Variants in EPHB3 observed in about 807,000 individuals in gnomAD.
EPHB3 encodes the protein EPH receptor B3.
A neutral mutation model predicts 100.2 loss-of-function variants in EPHB3; 33 were observed. The ratio of observed to expected loss-of-function variants is 0.33; its 90% confidence interval spans 0.25 to 0.44. The LOEUF is 0.44. EPHB3 is among the 20% of genes least tolerant of loss of function. EPHB3 has a pLI of 1.00. For synonymous variants in EPHB3, 526 were observed against 554.7 expected, an observed-to-expected ratio of 0.95 and a Z score of 0.73; for missense variants, 1,045 against 1,378.3, an observed-to-expected ratio of 0.76 and a Z score of 3.83.
In EPHB3 at chr3:184,581,726, C is replaced by T; in HGVS notation, c.*104C>T. The T allele has an allele frequency of 1.7e-6, 2 of 1,199,060 alleles. No homozygotes were observed. Among genetic ancestry groups the T allele is most frequent in the Non-Finnish European group, 2.3e-6 (2 of 875,382 alleles). 74.3% of individuals were successfully genotyped at this position (1,199,060 alleles called of 1,614,324 possible). A position where few individuals can be genotyped will look rare whatever the true frequency, so the allele number is the denominator to read the frequency against. On this transcript the variant is annotated 3_prime_UTR_variant, in exon 16 of 16. Coordinates refer to ENST00000330394, the MANE Select transcript of EPHB3 (RefSeq NM_004443.4). The stretch of plus-strand genomic sequence containing the variant: ...GGATGCCTGGCCTTAGGCTGTGGCC[C>T]AGAAGCTGGAAGTTTGGGAAAGGCC...
In EPHB3 at chr3:184,572,501, C is replaced by A; in HGVS notation, c.184-3C>A. ...TCTGTCTTTTTCATTGGTCCATGCA[C>A]AGTGGGAAGAGGTGAGTGGCTACGA... On this transcript the variant is annotated splice_region_variant and splice_polypyrimidine_tract_variant and intron_variant, in intron 2 of 15. Transcript: ENST00000330394. The surrounding 1 kb of genome is among the most constrained non-coding windows in gnomAD (Gnocchi z 6.6). 6.4e-7 allele frequency: 1 copy of A among 1,560,550 alleles called. No homozygotes were observed.
In EPHB3 at chr3:184,563,937, G is replaced by A. The variant is rs754910297; in HGVS notation, c.118+1584G>A. On this transcript the variant is annotated intron_variant, in intron 1 of 15. Transcript: ENST00000330394. This position sits in a 1 kb window ranked among gnomAD's most constrained non-coding sequence, Gnocchi z 4.1. ...TGTGGTGGGTGCTGGTGCTGAGTGT[G>A]GAGTGGGAGTGTGGTTTGGGTCAGG... Among the ~76,000 whole-genome samples the A allele has an allele frequency of 1.3e-5, 2 of 152,240 alleles. No homozygotes were observed. Among genetic ancestry groups the A allele is most frequent in the African/African-American group, 4.8e-5 (2 of 41,464 alleles).
chr3:184,574,835 G>T (rs1357902639), intron 3 of EPHB3, among the ~76,000 whole-genome samples: 1 of 152,222 alleles, frequency 6.6e-6, no homozygotes, highest in Non-Finnish European at 1.5e-5. Context: ...GGCTGGCCTG[G>T]CCTCTGCCCC....
rs578222600 is a variant in EPHB3, at chr3:184,579,688, G to A, written c.1926G>A (p.Gly642=). The A allele has an allele frequency of 6.2e-7, 1 of 1,611,022 alleles. No individual in the cohort carries two copies. The highest frequency in any genetic ancestry group is 1.7e-5 in the Admixed American group (1 of 59,838). ...TAGCTTGTGCCCTGTGCCCTGCAGG[G>A]GAATTTGGGGAAGTGTGCCGTGGTC... ...CVKIEEVIGA[G]EFGEVCRGRL... is the part of the protein sequence containing the mutation. Residue 642 remains glycine (G), a splice_region_variant and synonymous_variant, in exon 11 of 16, where the codon GGG becomes GGA. Transcript: ENST00000330394. This position sits in a 1 kb window ranked among gnomAD's most constrained non-coding sequence, Gnocchi z 5.2.
rs1714283603 is a variant in EPHB3, at chr3:184,562,522, T to G, written c.118+169T>G. On this transcript the variant is annotated intron_variant, in intron 1 of 15. Coordinates refer to ENST00000330394, the MANE Select transcript of EPHB3 (RefSeq NM_004443.4). This position sits in a 1 kb window ranked among gnomAD's most constrained non-coding sequence, Gnocchi z 4.8. ...TGGGGAGGCCGCCCCTGGAGCCGCCTCGGAGGCTGGAGCTGGCTCGGAGGC... is the reference window on the plus strand; with the variant it reads ...TGGGGAGGCCGCCCCTGGAGCCGCCGCGGAGGCTGGAGCTGGCTCGGAGGC... Among the ~76,000 whole-genome samples the G allele has an allele frequency of 6.6e-6, 1 of 151,962 alleles. No individual in the cohort carries two copies. The highest frequency in any genetic ancestry group is 1.9e-4 in the East Asian group (1 of 5,136).
rs962372314 is a variant in EPHB3, at chr3:184,576,972, T to C, written c.1143T>C (p.His381=). Residue 381 remains histidine, a synonymous_variant, in exon 5 of 16, where the codon CAT becomes CAC. Coordinates refer to ENST00000330394, the MANE Select transcript of EPHB3 (RefSeq NM_004443.4). ...LLYNVICKKC[H]GAGGASACSR... Reference sequence around the variant, plus strand: ...ACAATGTCATCTGCAAGAAGTGCCATGGGGCTGGAGGGGCCTCAGCCTGCT... The same window carrying C: ...ACAATGTCATCTGCAAGAAGTGCCACGGGGCTGGAGGGGCCTCAGCCTGCT... The C allele has an allele frequency of 1.2e-6, 2 of 1,612,984 alleles. No individual in the cohort carries two copies. Among genetic ancestry groups the C allele is most frequent in the African/African-American group, 1.3e-5 (1 of 74,910 alleles).
rs867360537 is a variant in EPHB3 at position 184,575,831 on chromosome 3, C to T, written c.858C>T (p.Pro286=). 1 of 1,599,734 alleles carries T rather than the reference C, an allele frequency of 6.3e-7. No individual in the cohort carries two copies. Among genetic ancestry groups the T allele is most frequent in the Non-Finnish European group, 8.5e-7 (1 of 1,172,980 alleles). The change falls in exon 4 of 16, where the codon CCC becomes CCT. Residue 286 remains proline (P), a splice_region_variant and synonymous_variant. Coordinates refer to ENST00000330394, the MANE Select transcript of EPHB3 (RefSeq NM_004443.4). ...CATTCATCCTCTTCTCTCCCACAGCCTGTCCCCCTGGGAGCTACAAGGCGA... is the reference window on the plus strand; with the variant it reads ...CATTCATCCTCTTCTCTCCCACAGCTTGTCCCCCTGGGAGCTACAAGGCGA... ...EPAAKESQCR[P]CPPGSYKAKQ...
Position 184,581,677 on chromosome 3 carries a change from G to A in EPHB3, c.*55G>A. 1.4e-6 allele frequency: 2 copies of A among 1,461,048 alleles called. No homozygotes were observed. The highest frequency in any genetic ancestry group is 1.8e-6 in the Non-Finnish European group (2 of 1,095,964). The allele number at this position is 1,461,048 out of a possible 1,614,324, so 90.5% of individuals were successfully genotyped here. ...GTGCAGGGATGCCAAGCAGCCGGCT[G>A]GACTTTCGGACTCTTGGACTTTTGG... On this transcript the variant is annotated 3_prime_UTR_variant, in exon 16 of 16. Coordinates refer to ENST00000330394, the MANE Select transcript of EPHB3 (RefSeq NM_004443.4).
In EPHB3 at chr3:184,565,165, C is replaced by G. The variant is rs1014901330; in HGVS notation, c.118+2812C>G. Among the ~76,000 whole-genome samples, 1 of 152,090 alleles carries G rather than the reference C, an allele frequency of 6.6e-6. No individual in the cohort carries two copies. The highest frequency in any genetic ancestry group is 1.5e-5 in the Non-Finnish European group (1 of 68,020). ...TGGAGCCTGGGTCCTTGCTTGTCCT[C>G]GTGGTTGAAAACATGCCCTCCCCTT... On this transcript the variant is annotated intron_variant, in intron 1 of 15. Transcript: ENST00000330394. The surrounding 1 kb of genome is among the most constrained non-coding windows in gnomAD (Gnocchi z 4.8).
At chr3:184,581,435 C>G (rs1183089080) in intron 15 of EPHB3, 27 bp downstream of exon 15, 1 of 1,583,820 alleles carries the variant, frequency 6.3e-7, no homozygotes, top group South Asian at 1.2e-5. Context: ...TTTGGAGGAG[C>G]AGGGCAGGGG....
chr3:184,571,435 C>T lies in EPHB3; in HGVS notation c.183+53C>T, dbSNP rs193262275. 5.4e-5 allele frequency: 86 copies of T among 1,597,610 alleles called. 1 individual carries two copies. In the African/African-American group the frequency reaches 8.0e-4, roughly 15 times the overall value. ...TGTTGTTTGCCATTAGGCCTCCCCC[C>T]ACTTCCAGCCTCCGTGCCCCCTCAT... On this transcript the variant is annotated intron_variant, in intron 2 of 15. Transcript: ENST00000330394. The surrounding 1 kb of genome is among the most constrained non-coding windows in gnomAD (Gnocchi z 5.0).
chr3:184,568,835 C>T (rs1047027158), intron 1 of EPHB3, among the ~76,000 whole-genome samples: 1 of 152,242 alleles, frequency 6.6e-6, no homozygotes, highest in Non-Finnish European at 1.5e-5. Flanking sequence ...AAAAATGTGG[C>T]GAGATTGAGC....
chr3:184,578,824 G>C lies in EPHB3; in HGVS notation c.1801+358G>C, dbSNP rs905256110. ...TAGAGAAGAGGAAGGCTTCCTCGAGGAGGTGGACTTGAGCTGAGCCAGGCG... is the reference window on the plus strand; with the variant it reads ...TAGAGAAGAGGAAGGCTTCCTCGAGCAGGTGGACTTGAGCTGAGCCAGGCG... On this transcript the variant is annotated intron_variant, in intron 9 of 15. Coordinates refer to ENST00000330394, the MANE Select transcript of EPHB3 (RefSeq NM_004443.4). This position sits in a 1 kb window ranked among gnomAD's most constrained non-coding sequence, Gnocchi z 4.7. Among the ~76,000 whole-genome samples, 5 of 152,204 alleles carry C rather than the reference G, an allele frequency of 3.3e-5. No homozygotes were observed. The highest frequency in any genetic ancestry group is 7.3e-5 in the Non-Finnish European group (5 of 68,044).
At position 184,562,181 on chromosome 3, in the gene EPHB3, GCCGGCGCGGCCCGGC is replaced by G. The variant is rs1025719940; in HGVS notation, c.-39_-25del. ...CCCTCTCTCGGGTGCCTGCAGCCCCGCCGGCGCGGCCCGGCCCGGCGCGGCCCGGCTCGGCTCCTA... is the reference window on the plus strand; with the variant it reads ...CCCTCTCTCGGGTGCCTGCAGCCCCGCCGGCGCGGCCCGGCTCGGCTCCTA... On this transcript the variant is annotated 5_prime_UTR_variant, in exon 1 of 16. Transcript: ENST00000330394. The surrounding 1 kb of genome is among the most constrained non-coding windows in gnomAD (Gnocchi z 4.8). 1.3e-4 allele frequency: 42 copies of G among 326,882 alleles called. 2 individuals carry two copies. The highest frequency in any genetic ancestry group is 3.4e-4 in the South Asian group (3 of 8,840). The allele number at this position is 326,882 out of a possible 1,614,324, so 20.2% of individuals were successfully genotyped here.
rs936443201 is a variant in EPHB3 at position 184,562,965 on chromosome 3, T to C, written c.118+612T>C. Among the ~76,000 whole-genome samples, 2 of 152,228 alleles carry C rather than the reference T, an allele frequency of 1.3e-5. No homozygotes were observed. The highest frequency in any genetic ancestry group is 4.8e-5 in the African/African-American group (2 of 41,464). On this transcript the variant is annotated intron_variant, in intron 1 of 15. Transcript: ENST00000330394. This position sits in a 1 kb window ranked among gnomAD's most constrained non-coding sequence, Gnocchi z 4.8. ...TTGTGGAGGCTCCCTCTCCGCCTGC[T>C]AGAGCAGGGCTTGGGTCTCCATTTG...
At position 184,573,304 on chromosome 3, in the gene EPHB3, G is replaced by A; in HGVS notation, c.856+128G>A. 2 of 1,179,634 alleles carry A rather than the reference G, an allele frequency of 1.7e-6. No individual in the cohort carries two copies. Among genetic ancestry groups the A allele is most frequent in the Non-Finnish European group, 1.2e-6 (1 of 841,068 alleles). 73.1% of individuals were successfully genotyped at this position (1,179,634 alleles called of 1,614,324 possible). A position where few individuals can be genotyped will look rare whatever the true frequency, so the allele number is the denominator to read the frequency against. Reference sequence around the variant, plus strand: ...TGGGAGCAGGTCCACAGTGGAGGCAGGAGAGGGAAGAGTGGGGATCAGATG... The same window carrying A: ...TGGGAGCAGGTCCACAGTGGAGGCAAGAGAGGGAAGAGTGGGGATCAGATG... On this transcript the variant is annotated intron_variant, in intron 3 of 15. Transcript: ENST00000330394. The surrounding 1 kb of genome is among the most constrained non-coding windows in gnomAD (Gnocchi z 4.5).
At chr3:184,570,210 G>A (rs1374159156) in intron 1 of EPHB3, among the ~76,000 whole-genome samples, 1 of 152,182 alleles carries the variant, frequency 6.6e-6, no homozygotes, top group Non-Finnish European at 1.5e-5. Flanking sequence ...AAGGCTTCCT[G>A]GAGGAGGCAA....
Position 184,580,568 on chromosome 3 carries a change from C to G in EPHB3, c.2339C>G (p.Ser780Cys). Residue 780 changes from serine (S) to cysteine (C), a missense_variant, in exon 12 of 16, where the codon TCC (serine) becomes TGC (cysteine). Ser to Cys is a moderately radical substitution (Grantham distance 112). Coordinates refer to ENST00000330394, the MANE Select transcript of EPHB3 (RefSeq NM_004443.4). Reference protein sequence around the residue: ...LVCKVSDFGLSRFLEDDPSDP... With the variant: ...LVCKVSDFGLCRFLEDDPSDP... ...TGCAAAGTCTCAGACTTTGGCCTCTCCCGCTTCCTGGAGGATGACCCCTCC... is the reference window on the plus strand; with the variant it reads ...TGCAAAGTCTCAGACTTTGGCCTCTGCCGCTTCCTGGAGGATGACCCCTCC... 1 of 1,614,208 alleles carries G rather than the reference C, an allele frequency of 6.2e-7. No individual in the cohort carries two copies. Among genetic ancestry groups the G allele is most frequent in the Non-Finnish European group, 8.5e-7 (1 of 1,180,026 alleles).
At chr3:184,564,335 C>G (rs922005387) in intron 1 of EPHB3, among the ~76,000 whole-genome samples, 4 of 152,220 alleles carry the variant, frequency 2.6e-5, no homozygotes, top group African/African-American at 9.7e-5. Flanking sequence ...ATACCTCAGA[C>G]TCTCTGGTCT....
Sources: gnomAD v4.1 joint callset for allele counts (sites outside exome capture counted in the v4.1 genomes callset) on GRCh38, gnomAD v4.1.1 for gene constraint, Gnocchi (gnomAD v3.1) non-coding constraint, MANE v1.5 for transcripts, NCBI Gene and HGNC (gene_info 2026-07-23, HGNC 2026-07-21) for gene names.